CTIF: variants seen among roughly 807,000 people sequenced by gnomAD.
The protein encoded by CTIF is CBP80/20-dependent translation initiation factor.
Under a neutral mutation model 66.0 loss-of-function variants are expected in CTIF, and 21 were observed. That is an observed-to-expected ratio of 0.32 (90% CI 0.23 to 0.46). CTIF has a LOEUF of 0.46. CTIF is among the 20% of genes least tolerant of loss of function. The pLI is 1.00. For missense variants in CTIF, 739 were observed against 812.7 expected, an observed-to-expected ratio of 0.91 and a Z score of 1.10; for synonymous variants, 345 against 326.4, an observed-to-expected ratio of 1.06 and a Z score of -0.62.
intron 7 of CTIF, among the ~76,000 whole-genome samples, chr18:48,752,537 C>G (rs899697375): frequency 2.6e-5 from 4 of 152,184 alleles, no homozygotes; most frequent in Non-Finnish European, 4.4e-5. Flanking sequence ...GCGGGGCGAC[C>G]CTAGAAGGAC....
chr18:48,737,834 T>C (rs924700941), intron 7 of CTIF, among the ~76,000 whole-genome samples: 1 of 152,214 alleles, frequency 6.6e-6, no homozygotes, highest in African/African-American at 2.4e-5. Context: ...CTTACAACCA[T>C]GTTAAATGTT....
chr18:48,683,972 G>C (rs1487104170), intron 6 of CTIF, among the ~76,000 whole-genome samples: 1 of 152,244 alleles, frequency 6.6e-6, no homozygotes, highest in African/African-American at 2.4e-5. Context: ...GGCCAACATG[G>C]CCTGGGCTGG....
chr18:48,597,155 C>T (rs1449990195), intron 1 of CTIF, among the ~76,000 whole-genome samples: 2 of 152,222 alleles, frequency 1.3e-5, no homozygotes, highest in Non-Finnish European at 2.9e-5. Context: ...CTGGCCTCTT[C>T]GTTCACTGCC....
chr18:48,664,393 GT>G, intron 4 of CTIF, 53 bp from the exon 5 acceptor site: 1 of 1,489,686 alleles, frequency 6.7e-7, no homozygotes, highest in African/African-American at 1.4e-5. Context: ...GGTTCCGTCA[GT>G]AACTGGGCTG....
At chr18:48,569,837 G>C (rs1227723064) in intron 1 of CTIF, among the ~76,000 whole-genome samples, 3 of 152,178 alleles carry the variant, frequency 2.0e-5, no homozygotes, top group African/African-American at 7.2e-5. Context: ...CCCCTGCCTG[G>C]GGCTGGCATA....
At chr18:48,626,644 CG>C (rs2090605667) in intron 2 of CTIF, among the ~76,000 whole-genome samples, 1 of 124,570 alleles carries the variant, frequency 8.0e-6, no homozygotes, top group African/African-American at 3.3e-5. Context: ...CGCACCTGGC[CG>C]TTTTTTTTTT....
chr18:48,681,890 A>G (rs774388788), intron 6 of CTIF, among the ~76,000 whole-genome samples: 6 of 152,054 alleles, frequency 3.9e-5, no homozygotes, highest in Non-Finnish European at 8.8e-5. Context: ...GGTTCAAGCA[A>G]TTCTCCTACC....
intron 10 of CTIF, chr18:48,826,105 G>A (rs1046655956): frequency 1.3e-5 from 2 of 152,164 alleles, no homozygotes; most frequent in African/African-American, 2.4e-5. Flanking sequence ...TTGAAACCTC[G>A]ATTTTCTTAT....
At chr18:48,793,958 C>T (rs1367850925) in intron 9 of CTIF, among the ~76,000 whole-genome samples, 7 of 152,186 alleles carry the variant, frequency 4.6e-5, no homozygotes, top group Non-Finnish European at 1.0e-4. Flanking sequence ...ACAGTGCTGG[C>T]AGTGGGATAC....
intron 3 of CTIF, among the ~76,000 whole-genome samples, chr18:48,639,015 G>GTCTA (rs2090877658): frequency 6.6e-6 from 1 of 152,234 alleles, no homozygotes; most frequent in Non-Finnish European, 1.5e-5. Context: ...AGGGAGAGAT[G>GTCTA]TCTACTTCCG....
chr18:48,690,610 C>G (rs918778574), intron 6 of CTIF, among the ~76,000 whole-genome samples: 1 of 152,068 alleles, frequency 6.6e-6, no homozygotes, highest in Non-Finnish European at 1.5e-5. Flanking sequence ...TGACCTGGCT[C>G]GGGGATTGGC....
chr18:48,591,420 C>T (rs1013879234), intron 1 of CTIF, among the ~76,000 whole-genome samples: 2 of 152,238 alleles, frequency 1.3e-5, no homozygotes, highest in Admixed American at 6.5e-5. Context: ...AAGGTCAACA[C>T]CAGCCTGGCA....
rs2069485837 is a variant in CTIF, at chr18:48,862,186, A to G, written c.*2627A>G. Reference sequence around the variant, plus strand: ...AGACCCTGGCCCCCTCCCCAAGTCCATCCCCTCTCTGTGGCATGAGGAAGG... The same window carrying G: ...AGACCCTGGCCCCCTCCCCAAGTCCGTCCCCTCTCTGTGGCATGAGGAAGG... On this transcript the variant is annotated 3_prime_UTR_variant, in exon 12 of 12. Transcript: ENST00000256413. 6.6e-6 allele frequency: 1 copy of G among 152,196 alleles called. No individual in the cohort carries two copies. Among genetic ancestry groups the G allele is most frequent in the Non-Finnish European group, 1.5e-5 (1 of 68,068 alleles). The allele number at this position is 152,196 out of a possible 1,614,324, so 9.4% of individuals were successfully genotyped here.
intron 1 of CTIF, among the ~76,000 whole-genome samples, chr18:48,606,888 G>A (rs940530382): frequency 6.6e-6 from 1 of 152,198 alleles, no homozygotes; most frequent in Admixed American, 6.5e-5. Context: ...ATGATCTTGA[G>A]GATTAAATTA....
intron 1 of CTIF, among the ~76,000 whole-genome samples, chr18:48,541,953 G>A (rs1287625509): frequency 6.6e-6 from 1 of 151,860 alleles, no homozygotes; most frequent in Non-Finnish European, 1.5e-5. Flanking sequence ...GCTTGCATAA[G>A]GCCTCTGGGT....
intron 1 of CTIF, among the ~76,000 whole-genome samples, chr18:48,590,838 C>G (rs1210267199): frequency 6.6e-6 from 1 of 152,090 alleles, no homozygotes; most frequent in Non-Finnish European, 1.5e-5. Context: ...CCACTGAGAC[C>G]TGCTTATTAT....
intron 9 of CTIF, among the ~76,000 whole-genome samples, chr18:48,774,309 G>T (rs1335825490): frequency 6.6e-6 from 1 of 152,178 alleles, no homozygotes; most frequent in African/African-American, 2.4e-5. Context: ...TCTGCGTCAT[G>T]CTGGCTCAGC....
chr18:48,702,190 G>C (rs537626334), intron 6 of CTIF, among the ~76,000 whole-genome samples: 1 of 152,346 alleles, frequency 6.6e-6, no homozygotes, highest in South Asian at 2.1e-4. Flanking sequence ...TCTTTAGACT[G>C]TTACAATAAG....
chr18:48,665,793 T>G (rs747833055), intron 5 of CTIF, among the ~76,000 whole-genome samples: 16 of 152,270 alleles, frequency 1.1e-4, no homozygotes, highest in African/African-American at 3.9e-4. Context: ...CATTATAGCA[T>G]GTAGCAGAAC....
Sources: gnomAD v4.1 joint callset for allele counts (sites outside exome capture counted in the v4.1 genomes callset) on GRCh38, gnomAD v4.1.1 for gene constraint, MANE v1.5 for transcripts, NCBI Gene and HGNC (gene_info 2026-07-23, HGNC 2026-07-21) for gene names.